ENPP2: variants seen among roughly 807,000 people sequenced by gnomAD.
ENPP2 encodes autotaxin.
ENPP2 carries 51 observed loss-of-function variants against 120.2 expected under a neutral mutation model. The ratio of observed to expected loss-of-function variants is 0.42; its 90% CI spans 0.34 to 0.54. The LOEUF is 0.54. Among genes scored for constraint, ENPP2 ranks in the 20% least tolerant of loss-of-function variants. ENPP2 has a pLI of 0.04. For missense variants in ENPP2, 920 were observed against 1,066.5 expected, an observed-to-expected ratio of 0.86 and a Z score of 1.91; for synonymous variants, 365 against 366.4, an observed-to-expected ratio of 1.00 and a Z score of 0.04.
chr8:119,590,995 T>TAAA (rs58061193), intron 12 of ENPP2, among the ~76,000 whole-genome samples: 2,531 of 109,882 alleles, frequency 0.023, 121 homozygotes, highest in African/African-American at 0.079. Context: ...ATCTATTCTT[T>TAAA]AAAAAAAAAA....
chr8:119,621,281 T>C (rs1815875667), intron 4 of ENPP2, 113 bp downstream of exon 4: 1 of 894,060 alleles, frequency 1.1e-6, no homozygotes, highest in African/African-American at 1.7e-5. Context: ...GACAATTCAT[T>C]CCTTCCTCCC....
intron 3 of ENPP2, among the ~76,000 whole-genome samples, chr8:119,622,856 A>G (rs903998416): frequency 6.6e-6 from 1 of 152,184 alleles, no homozygotes; most frequent in South Asian, 2.1e-4. Flanking sequence ...GTCTGTCTTC[A>G]TGGAGCTTAC....
At chr8:119,621,644 T>C (rs1815905369) in intron 3 of ENPP2, 125 bp from the exon 4 acceptor site, 1 of 1,050,354 alleles carries the variant, frequency 9.5e-7, no homozygotes, top group African/African-American at 1.6e-5. Flanking sequence ...GCTTGTGAAA[T>C]TTGAGTTGGC....
At position 119,561,697 on chromosome 8, in the gene ENPP2, T is replaced by C. The variant is rs146554080; in HGVS notation, c.2421+1160A>G. On this transcript the variant is annotated intron_variant, in intron 24 of 24. Transcript: ENST00000075322. ...AGTGAATCAGGAGTCATCTGTGCTATCTGAGAAAACAGTGACTGCTACACC... is the reference window on the plus strand; with the variant it reads ...AGTGAATCAGGAGTCATCTGTGCTACCTGAGAAAACAGTGACTGCTACACC... 5.3e-4 allele frequency among the ~76,000 whole-genome samples: 80 copies of C among 152,276 alleles called. 1 individual carries two copies. The East Asian group carries it at 0.015, about 29-fold the overall frequency.
At position 119,586,259 on chromosome 8, in the gene ENPP2, G is replaced by A. The variant is rs1201156778; in HGVS notation, c.1294C>T (p.Arg432Cys). Residue 432 changes from arginine (R) to cysteine (C), a missense_variant, in exon 15 of 25, where the codon CGT (arginine) becomes TGT (cysteine). By Grantham distance (180) the Arg-to-Cys change is radical (BLOSUM62 -3). Coordinates refer to ENST00000075322, the MANE Select transcript of ENPP2 (RefSeq NM_001040092.3). ...KPYLKQHLPKRLHYANNRRIE... is the reference protein window; with the variant it reads ...KPYLKQHLPKCLHYANNRRIE... ...CTTCTGTTGTTGGCATAGTGCAAAC[G>A]TTTGGGAAGGTGCTGTTTCAAGTAA... is the stretch of plus-strand genomic sequence containing the variant. The A allele has an allele frequency of 5.6e-6, 9 of 1,613,542 alleles. No individual in the cohort carries two copies. Among genetic ancestry groups the A allele is most frequent in the Non-Finnish European group, 7.6e-6 (9 of 1,179,476 alleles).
rs367581167 is a variant in ENPP2, at chr8:119,600,792, A to G, written c.900-42T>C. The G allele has an allele frequency of 7.3e-6, 8 of 1,095,664 alleles. No homozygotes were observed. The African/African-American group carries it at 7.9e-5, about 11-fold the overall frequency. The allele number at this position is 1,095,664 out of a possible 1,614,324, so 67.9% of individuals were successfully genotyped here. On this transcript the variant is annotated intron_variant, in intron 10 of 24. Transcript: ENST00000075322. ...AGGTTCAGAATCTCTCCTAAACCAC[A>G]TGTAACAAAAAATATCACATATTTT... is the stretch of plus-strand genomic sequence containing the variant.
At chr8:119,663,933 T>G (rs1307641850) in intron 1 of ENPP2, among the ~76,000 whole-genome samples, 6 of 152,230 alleles carry the variant, frequency 3.9e-5, no homozygotes, top group Admixed American at 3.9e-4. Context: ...AGTTTTGCAG[T>G]TGGATTTGTG....
intron 1 of ENPP2, among the ~76,000 whole-genome samples, chr8:119,645,752 T>C (rs1817426773): frequency 6.7e-6 from 1 of 149,500 alleles, no homozygotes; most frequent in South Asian, 2.2e-4. Context: ...GGAGTGGAGG[T>C]TGAGCTGAGC....
rs939538432 is a variant in ENPP2, at chr8:119,572,011, T to C, written c.1781-1170A>G. On this transcript the variant is annotated intron_variant, in intron 19 of 24. Coordinates refer to ENST00000075322, the MANE Select transcript of ENPP2 (RefSeq NM_001040092.3). ...AGCATTGCAGTAAATGTAGAAGCCT[T>C]AGTTAAGCTGCCAAATTTGGGGACC... The C allele has an allele frequency of 7.1e-6, 4 of 565,306 alleles. No individual in the cohort carries two copies. The African/African-American group carries it at 7.5e-5, about 11-fold the overall frequency. The allele number at this position is 565,306 out of a possible 1,614,324, so 35.0% of individuals were successfully genotyped here. A position where few individuals can be genotyped will look rare whatever the true frequency, so the allele number is the denominator to read the frequency against.
At chr8:119,587,222 G>A in intron 13 of ENPP2, 147 bp from the exon 14 acceptor site, 7 of 700,332 alleles carry the variant, frequency 1.0e-5, no homozygotes, top group Non-Finnish European at 1.7e-5. Flanking sequence ...AAATAATTGT[G>A]TAGGGGTATT....
intron 1 of ENPP2, among the ~76,000 whole-genome samples, chr8:119,654,767 T>A (rs950505480): frequency 2.6e-4 from 40 of 152,068 alleles, no homozygotes; most frequent in African/African-American, 9.2e-4. Context: ...AAAGGCTAGG[T>A]GGTGGTAGTC....
intron 20 of ENPP2, 142 bp downstream of exon 20, chr8:119,570,563 A>G: frequency 7.4e-6 from 4 of 542,942 alleles, no homozygotes. Context: ...AAAATATCTT[A>G]CAATAAATCC....
At chr8:119,586,139 G>T (rs1359722895) in intron 15 of ENPP2, 47 bp downstream of exon 15, 64 of 1,589,274 alleles carry the variant, frequency 4.0e-5, no homozygotes, top group Non-Finnish European at 5.3e-5. Context: ...GTTGCCAAAG[G>T]GGTGGTTGTG....
rs984132674 is a variant in ENPP2, at chr8:119,626,433, T to C, written c.292+132A>G. On this transcript the variant is annotated intron_variant, in intron 3 of 24. Transcript: ENST00000075322. ...GGTATGCTCTTCAAAGAACCAATAA[T>C]CATTCAACAAACAAAACTAGAATCC... 4.7e-6 allele frequency: 3 copies of C among 636,238 alleles called. No individual in the cohort carries two copies. The African/African-American group carries it at 5.4e-5, about 11-fold the overall frequency. The allele number at this position is 636,238 out of a possible 1,614,324, so 39.4% of individuals were successfully genotyped here.
intron 13 of ENPP2, among the ~76,000 whole-genome samples, chr8:119,589,808 C>T (rs6988706): frequency 0.025 from 3,806 of 152,120 alleles, 163 homozygotes; most frequent in African/African-American, 0.086. Context: ...GCGGCATAAC[C>T]CCAATAAAAC....
At chr8:119,597,913 T>C (rs1814017609) in intron 11 of ENPP2, among the ~76,000 whole-genome samples, 1 of 152,240 alleles carries the variant, frequency 6.6e-6, no homozygotes, top group South Asian at 2.1e-4. Flanking sequence ...CATCTTATTG[T>C]AGCATATAGC....
At chr8:119,631,136 C>T (rs1366946882) in intron 2 of ENPP2, among the ~76,000 whole-genome samples, 3 of 150,060 alleles carry the variant, frequency 2.0e-5, no homozygotes, top group Admixed American at 6.7e-5. Context: ...CCTCGTGATC[C>T]GCCTGCCTTG....
chr8:119,566,942 G>A (rs941979317), intron 22 of ENPP2, among the ~76,000 whole-genome samples: 16 of 152,024 alleles, frequency 1.1e-4, no homozygotes, highest in East Asian at 9.6e-4. Context: ...ATAAACCTTC[G>A]TTTACTAACT....
At chr8:119,619,112 T>C (rs904146131) in intron 5 of ENPP2, 132 bp downstream of exon 5, 2 of 668,026 alleles carry the variant, frequency 3.0e-6, no homozygotes, top group Non-Finnish European at 5.3e-6. Flanking sequence ...GAATTACTCC[T>C]AAGTACTCAT....
Sources: allele counts gnomAD v4.1 joint callset (sites outside exome capture counted in the v4.1 genomes callset), GRCh38; gene constraint gnomAD v4.1.1; transcripts MANE v1.5; gene names NCBI Gene and HGNC (gene_info 2026-07-23, HGNC 2026-07-21).